PIAS2: variants seen among roughly 807,000 people sequenced by gnomAD.
The protein encoded by PIAS2 is protein inhibitor of activated STAT 2.
PIAS2 carries 19 observed loss-of-function variants against 69.7 expected under a neutral mutation model. The observed-to-expected ratio is 0.27, with a 90% CI of 0.19 to 0.40. PIAS2 has a LOEUF of 0.40. PIAS2 is among the 10% of genes least tolerant of loss of function. PIAS2 has a pLI of 1.00. For synonymous variants in PIAS2, 261 were observed against 263.2 expected (o/e 0.99, Z 0.08); for missense variants, 624 against 757.0 (o/e 0.82, Z 2.06).
intron 1 of PIAS2, among the ~76,000 whole-genome samples, chr18:46,891,983 G>A (rs981146955): frequency 2.0e-5 from 3 of 152,104 alleles, no homozygotes; most frequent in African/African-American, 7.2e-5. Flanking sequence ...TAGCAAGAAA[G>A]AGGAAGAACA....
intron 1 of PIAS2, 99 bp downstream of exon 1, chr18:46,917,222 GC>G: frequency 2.2e-6 from 3 of 1,383,020 alleles, no homozygotes; most frequent in Non-Finnish European, 1.9e-6. Flanking sequence ...CCGCCAACCG[GC>G]CCCAGAGGCA....
Position 46,844,830 on chromosome 18 carries a change from T to C in PIAS2, c.871A>G (p.Met291Val), listed in dbSNP as rs757806268. The C allele has an allele frequency of 4.9e-6, 7 of 1,416,066 alleles. No homozygotes were observed. In the South Asian group the frequency reaches 9.1e-5, roughly 18 times the overall value. The allele number at this position is 1,416,066 out of a possible 1,614,324, so 87.7% of individuals were successfully genotyped here. ...WASEIGKNYSMSVYLVRQLTS... is the reference protein window; with the variant it reads ...WASEIGKNYSVSVYLVRQLTS... ...AGCTGCCGTACAAGATATACAGACA[T>C]AGAGTAATTCTACAAACAAACAAAA... The change falls in exon 7 of 14, where the codon ATG becomes GTG. Residue 291 changes from methionine (M) to valine (V), a missense_variant. Physicochemically the swap from Met to Val is conservative, Grantham distance 21. Around this residue, in one of 3 missense-constraint regions of PIAS2, gnomAD observed 339 missense variants for 408.8 expected, o/e 0.83. Transcript: ENST00000585916.
At chr18:46,820,879 T>A in intron 12 of PIAS2, 54 bp downstream of exon 12, 1 of 1,534,072 alleles carries the variant, frequency 6.5e-7, no homozygotes, top group Non-Finnish European at 8.8e-7. Flanking sequence ...AGATTAAGAT[T>A]AAAAAAAATA....
Position 46,888,797 on chromosome 18 carries a change from G to A in PIAS2, c.499+1783C>T, listed in dbSNP as rs71364568. On this transcript the variant is annotated intron_variant, in intron 2 of 13. Coordinates refer to ENST00000585916, the MANE Select transcript of PIAS2 (RefSeq NM_004671.5). Reference sequence around the variant, plus strand: ...CAGGAGGTGGAGCTCAGGCTGTAATGCTCGAATTCCTGCTGCTCACCTCCT... The same window carrying A: ...CAGGAGGTGGAGCTCAGGCTGTAATACTCGAATTCCTGCTGCTCACCTCCT... Among the ~76,000 whole-genome samples the A allele has an allele frequency of 5.0e-3, 757 of 152,036 alleles. 4 individuals are homozygous for A. Among genetic ancestry groups the A allele is most frequent in the Non-Finnish European group, 7.2e-3 (492 of 68,026 alleles).
In PIAS2 at chr18:46,864,178, C is replaced by A. The variant is rs761474697; in HGVS notation, c.570G>T (p.Glu190Asp). ...IFALTPQQVR[E>D]ICISRDFLPG... ...ATTCCTCTTACCTGGATATGCATAT[C>A]TCTCTAACTTGTTGAGGTGTCAAAG... Residue 190 changes from glutamate (E) to aspartate (D), a missense_variant, in exon 3 of 14, where the codon GAG (glutamate) becomes GAT (aspartate). Coordinates refer to ENST00000585916, the MANE Select transcript of PIAS2 (RefSeq NM_004671.5). The A allele has an allele frequency of 2.5e-6, 4 of 1,569,534 alleles. No individual in the cohort carries two copies. The East Asian group carries it at 9.0e-5, about 35-fold the overall frequency.
chr18:46,857,211 C>A (rs1026034848), intron 3 of PIAS2, among the ~76,000 whole-genome samples: 6 of 152,004 alleles, frequency 3.9e-5, no homozygotes, highest in Non-Finnish European at 5.9e-5. Flanking sequence ...TTCTGAGCAA[C>A]CCATATCACT....
chr18:46,894,171 G>C (rs1390801761), intron 1 of PIAS2, among the ~76,000 whole-genome samples: 1 of 152,148 alleles, frequency 6.6e-6, no homozygotes, highest in Non-Finnish European at 1.5e-5. Flanking sequence ...AGCACTTACT[G>C]ATAAAATAAT....
intron 9 of PIAS2, among the ~76,000 whole-genome samples, chr18:46,832,087 C>A (rs999042627): frequency 2.0e-5 from 3 of 152,014 alleles, no homozygotes; most frequent in Non-Finnish European, 4.4e-5. Flanking sequence ...TAAGAACCAC[C>A]AACATTCAAT....
chr18:46,874,165 C>A (rs531702811), intron 2 of PIAS2, among the ~76,000 whole-genome samples: 1 of 152,204 alleles, frequency 6.6e-6, no homozygotes, highest in Non-Finnish European at 1.5e-5. Flanking sequence ...AACTAATAAG[C>A]GAATCCTAAG....
Position 46,810,186 on chromosome 18 carries a change from T to C in PIAS2, c.*2247A>G, listed in dbSNP as rs1352519597. 1 of 115,414 alleles carries C rather than the reference T, an allele frequency of 8.7e-6. No homozygotes were observed. The highest frequency in any genetic ancestry group is 3.3e-5 in the African/African-American group (1 of 30,700). 7.1% of individuals were successfully genotyped at this position (115,414 alleles called of 1,614,324 possible). A position where few individuals can be genotyped will look rare whatever the true frequency, so the allele number is the denominator to read the frequency against. ...GAACATTAAAACTGTTCACAGAAAA[T>C]AGAAAAAAAAACAAAAAAACAAATC... On this transcript the variant is annotated 3_prime_UTR_variant, in exon 14 of 14. Coordinates refer to ENST00000585916, the MANE Select transcript of PIAS2 (RefSeq NM_004671.5).
At chr18:46,899,725 T>TAA (rs1161471777) in intron 1 of PIAS2, among the ~76,000 whole-genome samples, 1 of 152,172 alleles carries the variant, frequency 6.6e-6, no homozygotes, top group African/African-American at 2.4e-5. Context: ...CCTTGGCCTC[T>TAA]AAAAGTGCAT....
upstream of PIAS2, among the ~76,000 whole-genome samples, chr18:46,919,843 C>A (rs765527010): frequency 1.7e-4 from 26 of 152,134 alleles, no homozygotes; most frequent in Non-Finnish European, 3.5e-4. Context: ...CTTATTCTTA[C>A]TCTTGATTTA....
At chr18:46,875,546 A>G (rs185519485) in intron 2 of PIAS2, among the ~76,000 whole-genome samples, 5 of 152,316 alleles carry the variant, frequency 3.3e-5, no homozygotes, top group East Asian at 1.9e-4. Context: ...GGTTGAAAAC[A>G]ATAAAGAAAT....
intron 1 of PIAS2, among the ~76,000 whole-genome samples, chr18:46,902,485 G>A (rs960814552): frequency 3.3e-5 from 5 of 151,936 alleles, no homozygotes; most frequent in East Asian, 1.9e-4. Flanking sequence ...GCTTGAACCC[G>A]GGAGGCACAG....
intron 11 of PIAS2, chr18:46,826,940 C>T (rs543446927): frequency 1.3e-5 from 2 of 152,080 alleles, no homozygotes; most frequent in South Asian, 2.1e-4. Context: ...CACAAAAAAA[C>T]GATTGCCTAG....
intron 9 of PIAS2, 132 bp from the exon 10 acceptor site, chr18:46,829,999 C>G (rs1318170433): frequency 1.5e-6 from 1 of 689,012 alleles, no homozygotes; most frequent in African/African-American, 1.8e-5. Context: ...TATTGCAATA[C>G]TTTATACTTT....
intron 1 of PIAS2, among the ~76,000 whole-genome samples, chr18:46,903,891 G>C (rs1288956426): frequency 6.6e-6 from 1 of 152,164 alleles, no homozygotes; most frequent in Admixed American, 6.5e-5. Flanking sequence ...GCAATAAAAA[G>C]GGATGAGCTG....
chr18:46,868,267 C>T (rs1225692139), intron 2 of PIAS2, among the ~76,000 whole-genome samples: 1 of 152,220 alleles, frequency 6.6e-6, no homozygotes, highest in East Asian at 1.9e-4. Flanking sequence ...GCTCAACTTC[C>T]TTGTCCCTTC....
chr18:46,898,156 A>G (rs1328934077), intron 1 of PIAS2, among the ~76,000 whole-genome samples: 2 of 151,796 alleles, frequency 1.3e-5, no homozygotes, highest in Non-Finnish European at 2.9e-5. Flanking sequence ...CACCAAGGCA[A>G]TATAATTTTT....
Sources: allele counts gnomAD v4.1 joint callset (sites outside exome capture counted in the v4.1 genomes callset), GRCh38; gene constraint gnomAD v4.1.1; regional missense constraint gnomAD v4.1.1; transcripts MANE v1.5; gene names NCBI Gene and HGNC (gene_info 2026-07-23, HGNC 2026-07-21).